Variants in NEBL observed in about 807,000 individuals in gnomAD.
NEBL encodes nebulette.
A neutral mutation model predicts 140.2 loss-of-function variants in NEBL; 122 were observed. The observed-to-expected ratio is 0.87, with a 90% CI of 0.75 to 1.01. The LOEUF is 1.01. NEBL is among the 50% of genes least tolerant of loss of function. The pLI, the probability that NEBL is intolerant of heterozygous loss-of-function variation, is 0.00. For synonymous variants in NEBL, 436 were observed against 398.9 expected (o/e 1.09, Z -1.11); for missense variants, 1,365 against 1,231.3 (o/e 1.11, Z -1.62).
intron 3 of NEBL, among the ~76,000 whole-genome samples, chr10:21,013,502 C>G (rs1315364360): frequency 6.6e-6 from 1 of 152,128 alleles, no homozygotes; most frequent in Non-Finnish European, 1.5e-5. Context: ...GGCTTCTTGT[C>G]CAAGACCAGC....
At chr10:20,976,239 G>A (rs1296625257) in intron 3 of NEBL, among the ~76,000 whole-genome samples, 3 of 151,818 alleles carry the variant, frequency 2.0e-5, no homozygotes, top group African/African-American at 7.3e-5. Flanking sequence ...TACTTGGGAG[G>A]CTGAGGCAGG....
chr10:21,038,625 G>T (rs539266370), intron 2 of NEBL, among the ~76,000 whole-genome samples: 4 of 152,130 alleles, frequency 2.6e-5, no homozygotes, highest in Non-Finnish European at 4.4e-5. Flanking sequence ...TGGGCATTTG[G>T]GTTGGTTCCA....
chr10:21,103,042 T>A (rs1423877515), intron 2 of NEBL, among the ~76,000 whole-genome samples: 1 of 142,992 alleles, frequency 7.0e-6, no homozygotes, highest in Non-Finnish European at 1.5e-5. Flanking sequence ...GGCACACATA[T>A]GTTTTTATTT....
chr10:21,168,431 AGC>A (rs767228110), intron 2 of NEBL, among the ~76,000 whole-genome samples: 3 of 152,224 alleles, frequency 2.0e-5, no homozygotes, highest in Non-Finnish European at 4.4e-5. Flanking sequence ...TAGAAATAAT[AGC>A]AGAACTTGAA....
At chr10:21,184,414 A>T (rs1049472092) in intron 3 of NEBL, among the ~76,000 whole-genome samples, 1 of 152,198 alleles carries the variant, frequency 6.6e-6, no homozygotes, top group African/African-American at 2.4e-5. Context: ...ACAAGCATGG[A>T]GCCTGCTCTT....
intron 14 of NEBL, among the ~76,000 whole-genome samples, chr10:20,832,471 A>C (rs767104234): frequency 8.5e-5 from 13 of 152,156 alleles, no homozygotes; most frequent in Non-Finnish European, 1.3e-4. Flanking sequence ...AATTGCTTAC[A>C]AGATAGTCAT....
At chr10:20,884,291 G>T (rs773862723) in intron 4 of NEBL, among the ~76,000 whole-genome samples, 1 of 152,044 alleles carries the variant, frequency 6.6e-6, no homozygotes, top group Non-Finnish European at 1.5e-5. Context: ...TGCCCAGGCT[G>T]GTCTTCAACT....
chr10:20,980,579 C>G (rs1589104196), intron 3 of NEBL, among the ~76,000 whole-genome samples: 2 of 152,082 alleles, frequency 1.3e-5, no homozygotes, highest in South Asian at 4.2e-4. Context: ...CCACCAGTAA[C>G]CAGTGGCCTT....
At chr10:21,046,395 T>C (rs1318614136) in intron 2 of NEBL, among the ~76,000 whole-genome samples, 1 of 152,190 alleles carries the variant, frequency 6.6e-6, no homozygotes, top group Non-Finnish European at 1.5e-5. Context: ...AGGTAATACA[T>C]ATGTTAAATA....
At position 21,228,043 on chromosome 10, in the gene NEBL, C is replaced by T. The variant is rs184947239; in HGVS notation, n.348+19878G>A. ...AGAATAACAGAGAATGATAGTGTTC[C>T]CATATGAAGGAGTATTTTCTTCAAC... is the stretch of plus-strand genomic sequence containing the variant. On this transcript the variant is annotated intron_variant and non_coding_transcript_variant, in intron 3 of 8. Coordinates refer to the NEBL transcript ENST00000675702. Among the ~76,000 whole-genome samples, 382 of 151,794 alleles carry T rather than the reference C, an allele frequency of 2.5e-3. 3 individuals carry two copies. Among genetic ancestry groups the T allele is most frequent in the Middle Eastern group, 3.4e-3 (1 of 294 alleles).
intron 3 of NEBL, among the ~76,000 whole-genome samples, chr10:20,987,881 T>C (rs55652844): frequency 0.055 from 8,423 of 152,250 alleles, 255 homozygotes; most frequent in African/African-American, 0.078. Context: ...CTCCACCTAC[T>C]GGAATTGCCC....
chr10:20,867,579 C>G (rs887616224), intron 7 of NEBL, among the ~76,000 whole-genome samples: 1 of 152,088 alleles, frequency 6.6e-6, no homozygotes, highest in African/African-American at 2.4e-5. Context: ...TCTGGTCTTG[C>G]TTAAGAACAA....
chr10:21,263,992 C>A (rs1842770114), intron 1 of NEBL, among the ~76,000 whole-genome samples: 1 of 152,106 alleles, frequency 6.6e-6, no homozygotes, highest in African/African-American at 2.4e-5. Flanking sequence ...AGCAGTTAAA[C>A]CAAAAGATAT....
rs1840109648 is a variant in NEBL at position 20,828,615 on chromosome 10, G to A, written c.1691C>T (p.Ala564Val). The A allele has an allele frequency of 7.6e-6, 12 of 1,577,618 alleles. No homozygotes were observed. The highest frequency in any genetic ancestry group is 1.0e-5 in the Non-Finnish European group (12 of 1,147,560). Residue 564 changes from alanine to valine, a missense_variant, in exon 17 of 28, where the codon GCA becomes GTA. Physicochemically the swap from Ala to Val is moderately conservative, Grantham distance 64. This residue lies in a region of NEBL where 1,323 missense variants were observed against 1,154.8 expected (regional missense o/e 1.15). Coordinates refer to ENST00000377122, the MANE Select transcript of NEBL (RefSeq NM_006393.3). ...AGAATAGTTAGAAAGCATCTTCTCT[G>A]CTTCATCTTTATACTTTCTCTAAAA... Reference protein sequence around the residue: ...IYSQRKYKDEAEKMLSNYSTI... With the variant: ...IYSQRKYKDEVEKMLSNYSTI...
chr10:21,050,594 A>G (rs541293446), intron 2 of NEBL, among the ~76,000 whole-genome samples: 1 of 152,310 alleles, frequency 6.6e-6, no homozygotes, highest in African/African-American at 2.4e-5. Flanking sequence ...AAAATAAAGA[A>G]AGTGAGGAAC....
At chr10:21,019,128 T>A (rs1471317338) in intron 3 of NEBL, among the ~76,000 whole-genome samples, 4 of 152,184 alleles carry the variant, frequency 2.6e-5, no homozygotes, top group Admixed American at 1.3e-4. Flanking sequence ...CCCTTTCATA[T>A]ACCAGGAATT....
At chr10:21,008,155 A>C (rs1309454433) in intron 3 of NEBL, among the ~76,000 whole-genome samples, 3 of 152,160 alleles carry the variant, frequency 2.0e-5, no homozygotes, top group East Asian at 1.9e-4. Context: ...GTATAGGTAG[A>C]TGTCATACAA....
chr10:21,290,803 C>A (rs927154448), intron 1 of NEBL, among the ~76,000 whole-genome samples: 10 of 152,148 alleles, frequency 6.6e-5, no homozygotes, highest in African/African-American at 2.4e-4. Flanking sequence ...GTACCTACAC[C>A]CCCCATTTCC....
chr10:21,222,284 C>CAA (rs71509092), intron 3 of NEBL, among the ~76,000 whole-genome samples: 2 of 120,134 alleles, frequency 1.7e-5, no homozygotes, highest in Admixed American at 8.7e-5. Flanking sequence ...CTGTCTCTAC[C>CAA]AAAAAAAAAA....
Sources: allele counts gnomAD v4.1 joint callset (sites outside exome capture counted in the v4.1 genomes callset), GRCh38; gene constraint gnomAD v4.1.1; regional missense constraint gnomAD v4.1.1; transcripts MANE v1.5; gene names NCBI Gene and HGNC (gene_info 2026-07-23, HGNC 2026-07-21).